SHISA6: variants seen among roughly 807,000 people sequenced by gnomAD.
The protein encoded by SHISA6 is shisa family member 6.
SHISA6 carries 22 observed loss-of-function variants against 47.9 expected under a neutral mutation model. That is an observed-to-expected ratio of 0.46 (90% CI 0.33 to 0.66). The LOEUF (loss-of-function observed/expected upper bound fraction) is 0.66, where lower values mean the gene tolerates loss of function less well. Among genes scored for constraint, SHISA6 ranks in the 30% least tolerant of loss-of-function variants. The pLI, the probability that SHISA6 is intolerant of heterozygous loss-of-function variation, is 0.02. For synonymous variants in SHISA6, 388 were observed against 337.8 expected, an observed-to-expected ratio of 1.15 and a Z score of -1.63; for missense variants, 680 against 764.6, an observed-to-expected ratio of 0.89 and a Z score of 1.30.
intron 3 of SHISA6, among the ~76,000 whole-genome samples, chr17:11,533,273 C>T (rs1006970123): frequency 8.5e-5 from 13 of 152,280 alleles, no homozygotes; most frequent in Non-Finnish European, 1.9e-4. Context: ...ACGCATTTCC[C>T]TTCTTCACTC....
Position 11,444,555 on chromosome 17 carries a change from G to A in SHISA6, c.895+65046G>A, listed in dbSNP as rs1208223581. 2.0e-5 allele frequency among the ~76,000 whole-genome samples: 3 copies of A among 152,064 alleles called. No individual in the cohort carries two copies. In the East Asian group the frequency reaches 5.8e-4, roughly 29 times the overall value. On this transcript the variant is annotated intron_variant, in intron 3 of 5. Coordinates refer to ENST00000441885, the MANE Select transcript of SHISA6 (RefSeq NM_207386.4). ...CAGGGGTCAGAGGGATGGGCTATGTGAATCCAGATGCTTTGGACAAAAACA... is the reference window on the plus strand; with the variant it reads ...CAGGGGTCAGAGGGATGGGCTATGTAAATCCAGATGCTTTGGACAAAAACA...
At chr17:11,475,906 T>C (rs1051181544) in intron 3 of SHISA6, among the ~76,000 whole-genome samples, 3 of 152,020 alleles carry the variant, frequency 2.0e-5, no homozygotes, top group Non-Finnish European at 2.9e-5. Context: ...AGTAAACCTA[T>C]TTGGGTCTGG....
intron 1 of SHISA6, among the ~76,000 whole-genome samples, chr17:11,253,007 C>T (rs571763613): frequency 3.9e-4 from 60 of 152,364 alleles, no homozygotes; most frequent in African/African-American, 1.4e-3. Context: ...CAGCTTCTTA[C>T]CCAGCCTCAA....
chr17:11,242,074 G>A lies in SHISA6; in HGVS notation c.638+14G>A. 6.5e-7 allele frequency: 1 copy of A among 1,549,300 alleles called. No homozygotes were observed. Among genetic ancestry groups the A allele is most frequent in the Non-Finnish European group, 8.7e-7 (1 of 1,146,980 alleles). On this transcript the variant is annotated intron_variant, in intron 1 of 5. Coordinates refer to ENST00000441885, the MANE Select transcript of SHISA6 (RefSeq NM_207386.4). The stretch of plus-strand genomic sequence containing the variant: ...GAACATCCACAGGTGAGAGCGCCGC[G>A]TGCCGCGCGCCCCGGTCTCCCCGCG...
At chr17:11,313,945 A>C (rs940092478) in intron 2 of SHISA6, among the ~76,000 whole-genome samples, 1 of 152,178 alleles carries the variant, frequency 6.6e-6, no homozygotes, top group Non-Finnish European at 1.5e-5. Context: ...ATATACTAAT[A>C]TCTTTTACAA....
intron 3 of SHISA6, among the ~76,000 whole-genome samples, chr17:11,404,019 G>A (rs1913863523): frequency 1.3e-5 from 2 of 152,100 alleles, no homozygotes; most frequent in Admixed American, 1.3e-4. Flanking sequence ...TCTTATTCCT[G>A]CACATGAGGG....
At chr17:11,248,063 G>A (rs1355881994) in intron 1 of SHISA6, among the ~76,000 whole-genome samples, 1 of 151,972 alleles carries the variant, frequency 6.6e-6, no homozygotes, top group African/African-American at 2.4e-5. Flanking sequence ...TGTGAGACAC[G>A]GAGCCTGGCC....
chr17:11,522,029 G>A (rs1447340507), intron 3 of SHISA6, among the ~76,000 whole-genome samples: 6 of 151,836 alleles, frequency 4.0e-5, no homozygotes, highest in Non-Finnish European at 5.9e-5. Context: ...GCAGTGGCAC[G>A]ATCTTGGCTC....
chr17:11,281,051 T>G (rs1909099488), intron 2 of SHISA6, among the ~76,000 whole-genome samples: 1 of 152,238 alleles, frequency 6.6e-6, no homozygotes, highest in African/African-American at 2.4e-5. Flanking sequence ...TCCTATCAGT[T>G]TTATTAGCTT....
intron 2 of SHISA6, among the ~76,000 whole-genome samples, chr17:11,350,873 C>T (rs565665446): frequency 6.0e-4 from 92 of 152,168 alleles, no homozygotes; most frequent in African/African-American, 1.8e-3. Context: ...TTTACAATAG[C>T]GAAGACTTGG....
intron 2 of SHISA6, among the ~76,000 whole-genome samples, chr17:11,308,781 G>A (rs897852534): frequency 1.2e-4 from 18 of 152,134 alleles, no homozygotes; most frequent in African/African-American, 3.9e-4. Flanking sequence ...TGCGATGCAG[G>A]CAACAGCTGT....
At position 11,344,785 on chromosome 17, in the gene SHISA6, G is replaced by GA. The variant is rs1162659601; in HGVS notation, c.800-34627dup. On this transcript the variant is annotated intron_variant, in intron 2 of 5. Transcript: ENST00000441885. ...AACATTTAATATTTATTTGCATTGG[G>GA]AACCGTTAAAATCTCTTCTAGTCAT... 3.9e-5 allele frequency among the ~76,000 whole-genome samples: 6 copies of GA among 152,156 alleles called. No individual in the cohort carries two copies. In the South Asian group the frequency reaches 1.2e-3, roughly 32 times the overall value.
rs114384459 is a variant in SHISA6 at position 11,487,627 on chromosome 17, C to A, written c.896-64269C>A. ...ATAGAGTTCCAAATAATAGGATTAG[C>A]CTCAGCTAAAGTGTACTAATGCCCC... On this transcript the variant is annotated intron_variant, in intron 3 of 5. Transcript: ENST00000441885. Among the ~76,000 whole-genome samples, 687 of 152,304 alleles carry A rather than the reference C, an allele frequency of 4.5e-3. 6 individuals are homozygous for A. The highest frequency in any genetic ancestry group is 0.016 in the African/African-American group (658 of 41,558).
At chr17:11,420,901 G>A (rs1382813856) in intron 3 of SHISA6, among the ~76,000 whole-genome samples, 3 of 152,188 alleles carry the variant, frequency 2.0e-5, no homozygotes, top group Admixed American at 2.0e-4. Flanking sequence ...CAGGAGGTAG[G>A]ATTCTGTCTC....
intron 2 of SHISA6, among the ~76,000 whole-genome samples, chr17:11,287,097 G>A (rs1028721222): frequency 2.0e-5 from 3 of 152,022 alleles, no homozygotes; most frequent in Non-Finnish European, 2.9e-5. Context: ...AAAATGCAGT[G>A]AGTAAAAGAA....
chr17:11,394,895 T>A (rs1476927802), intron 3 of SHISA6, among the ~76,000 whole-genome samples: 1 of 151,920 alleles, frequency 6.6e-6, no homozygotes, highest in African/African-American at 2.4e-5. Flanking sequence ...ATTATAAACA[T>A]GTACAGTTTT....
chr17:11,405,331 G>C (rs1242847193), intron 3 of SHISA6, among the ~76,000 whole-genome samples: 1 of 152,092 alleles, frequency 6.6e-6, no homozygotes, highest in Non-Finnish European at 1.5e-5. Flanking sequence ...TCTGGTCCCG[G>C]AGTAAATTTG....
intron 3 of SHISA6, among the ~76,000 whole-genome samples, chr17:11,388,154 A>G (rs1913255053): frequency 6.6e-6 from 1 of 152,180 alleles, no homozygotes; most frequent in Admixed American, 6.5e-5. Context: ...AGATATTTTC[A>G]CAGTCCGGAG....
At chr17:11,426,375 A>G (rs1914610840) in intron 3 of SHISA6, among the ~76,000 whole-genome samples, 2 of 152,256 alleles carry the variant, frequency 1.3e-5, no homozygotes, top group Non-Finnish European at 2.9e-5. Flanking sequence ...TTGGAATGAC[A>G]GAGAATAATC....
Sources: gnomAD v4.1 joint callset for allele counts (sites outside exome capture counted in the v4.1 genomes callset) on GRCh38, gnomAD v4.1.1 for gene constraint, MANE v1.5 for transcripts, NCBI Gene and HGNC (gene_info 2026-07-23, HGNC 2026-07-21) for gene names.